LRRC8D: variants seen among roughly 807,000 people sequenced by gnomAD.
LRRC8D encodes volume-regulated anion channel subunit LRRC8D.
In LRRC8D, 20 loss-of-function variants were observed where a neutral mutation model predicts 55.8. The observed-to-expected ratio is 0.36, with a 90% CI of 0.25 to 0.52. LRRC8D has a LOEUF of 0.52. Among genes scored for constraint, LRRC8D ranks in the 20% least tolerant of loss-of-function variants. The pLI is 0.93. For synonymous variants in LRRC8D, 352 were observed against 377.0 expected (o/e 0.93, Z 0.77); for missense variants, 651 against 1,030.8 (o/e 0.63, Z 5.05).
chr1:89,841,351 G>T (rs1307685437), intron 1 of LRRC8D, among the ~76,000 whole-genome samples: 1 of 151,890 alleles, frequency 6.6e-6, no homozygotes, highest in African/African-American at 2.4e-5. Context: ...AAAAGGGTGG[G>T]TGAGGTGTAG....
intron 2 of LRRC8D, among the ~76,000 whole-genome samples, chr1:89,931,244 G>A (rs972807540): frequency 7.1e-6 from 1 of 140,306 alleles, no homozygotes; most frequent in African/African-American, 2.6e-5. Context: ...TACTAGGTAT[G>A]TGGAAGGGTT....
chr1:89,877,779 A>T (rs17497989), intron 2 of LRRC8D, among the ~76,000 whole-genome samples: 10,912 of 152,314 alleles, frequency 0.072, 570 homozygotes, highest in Non-Finnish European at 0.099. Context: ...ACTTTTATAG[A>T]TAACTGAAAC....
intron 1 of LRRC8D, among the ~76,000 whole-genome samples, chr1:89,839,772 G>GA (rs11376446): frequency 0.97 from 147,982 of 152,290 alleles, 72,029 homozygotes; most frequent in Middle Eastern, 1. Context: ...ATAGTGCAGA[G>GA]GGTCATCTCT....
chr1:89,822,011 T>C (rs930557568), intron 1 of LRRC8D: 1 of 152,018 alleles, frequency 6.6e-6, no homozygotes, highest in Non-Finnish European at 1.5e-5. Context: ...AGGAGGAGAA[T>C]TGGGGGTGGT....
intron 2 of LRRC8D, among the ~76,000 whole-genome samples, chr1:89,890,843 G>T (rs945978306): frequency 6.6e-6 from 1 of 152,012 alleles, no homozygotes; most frequent in East Asian, 1.9e-4. Flanking sequence ...ATAGTACTTA[G>T]TCTCCTCCAA....
In LRRC8D at chr1:89,843,816, G is replaced by C. The variant is rs566818081; in HGVS notation, c.-3+34G>C. ...GGTCGGGTCTGGGTCCAGGGAGCGG[G>C]TCGGGAAGTCTGCGGCACGGAGCAC... On this transcript the variant is annotated intron_variant, in intron 2 of 2. Coordinates refer to ENST00000337338, the MANE Select transcript of LRRC8D (RefSeq NM_001134479.2). 6.3e-6 allele frequency: 4 copies of C among 632,432 alleles called. No individual in the cohort carries two copies. The African/African-American group carries it at 7.2e-5, about 11-fold the overall frequency. 39.2% of individuals were successfully genotyped at this position (632,432 alleles called of 1,614,324 possible).
intron 2 of LRRC8D, among the ~76,000 whole-genome samples, chr1:89,906,954 CT>C (rs1166488417): frequency 3.3e-5 from 5 of 152,000 alleles, no homozygotes; most frequent in African/African-American, 1.2e-4. Context: ...AGGAATAGGT[CT>C]GGGTGGAGGC....
At chr1:89,917,812 G>A (rs1663312457) in intron 2 of LRRC8D, among the ~76,000 whole-genome samples, 1 of 152,096 alleles carries the variant, frequency 6.6e-6, no homozygotes, top group Non-Finnish European at 1.5e-5. Context: ...CCTTGGAAGC[G>A]GTCAGTGCGA....
chr1:89,822,808 CA>C (rs574095366), intron 1 of LRRC8D, among the ~76,000 whole-genome samples: 11 of 152,190 alleles, frequency 7.2e-5, no homozygotes, highest in Admixed American at 2.6e-4. Flanking sequence ...TTTTGCAGTC[CA>C]AAAATAGTGA....
intron 2 of LRRC8D, among the ~76,000 whole-genome samples, chr1:89,917,391 T>A (rs61295363): frequency 0.046 from 7,013 of 152,178 alleles, 220 homozygotes; most frequent in East Asian, 0.13. Flanking sequence ...TTCATCAACC[T>A]CCAATCTGCA....
At chr1:89,876,822 C>A (rs180772981) in intron 2 of LRRC8D, among the ~76,000 whole-genome samples, 6 of 152,264 alleles carry the variant, frequency 3.9e-5, no homozygotes, top group Admixed American at 1.3e-4. Flanking sequence ...ATTTAGCATT[C>A]GGTCCTTTAT....
At chr1:89,900,076 A>G (rs1410271423) in intron 2 of LRRC8D, among the ~76,000 whole-genome samples, 1 of 152,232 alleles carries the variant, frequency 6.6e-6, no homozygotes, top group Non-Finnish European at 1.5e-5. Context: ...GTAGAGGGGC[A>G]GAAATGCACA....
chr1:89,883,478 G>A (rs1020161333), intron 2 of LRRC8D, among the ~76,000 whole-genome samples: 4 of 152,196 alleles, frequency 2.6e-5, no homozygotes, highest in Non-Finnish European at 5.9e-5. Flanking sequence ...CGACCAGATG[G>A]TAAGGGAGGA....
In LRRC8D at chr1:89,935,220, C is replaced by T; in HGVS notation, c.2152C>T (p.Leu718Phe). 8 of 1,614,152 alleles carry T rather than the reference C, an allele frequency of 5.0e-6. No homozygotes were observed. The highest frequency in any genetic ancestry group is 6.8e-6 in the Non-Finnish European group (8 of 1,180,008). ...GTCACTTTATTTCTCTAACAACAAG[C>T]TCGAATCCTTACCAGTGGCAGTATT... Reference protein sequence around the residue: ...LESLYFSNNKLESLPVAVFSL... With the variant: ...LESLYFSNNKFESLPVAVFSL... Residue 718 changes from leucine to phenylalanine, a missense_variant, in exon 3 of 3, where the codon CTC becomes TTC. Physicochemically the swap from Leu to Phe is conservative, Grantham distance 22. This residue lies in a region of LRRC8D where 338 missense variants were observed against 479.4 expected (regional missense o/e 0.71). Coordinates refer to ENST00000337338, the MANE Select transcript of LRRC8D (RefSeq NM_001134479.2).
intron 1 of LRRC8D, among the ~76,000 whole-genome samples, chr1:89,824,210 C>T (rs1660711763): frequency 6.6e-6 from 1 of 152,138 alleles, no homozygotes; most frequent in African/African-American, 2.4e-5. Context: ...ATAGTGCCTG[C>T]CCTTAGATCT....
chr1:89,886,671 A>G (rs1172626487), intron 2 of LRRC8D, among the ~76,000 whole-genome samples: 1 of 152,236 alleles, frequency 6.6e-6, no homozygotes, highest in Non-Finnish European at 1.5e-5. Context: ...ACAGCAGCCT[A>G]TTTAATAAAA....
chr1:89,828,433 T>G (rs1438278879), intron 1 of LRRC8D, among the ~76,000 whole-genome samples: 1 of 152,232 alleles, frequency 6.6e-6, no homozygotes, highest in Non-Finnish European at 1.5e-5. Flanking sequence ...AGTGCTAAGT[T>G]TATTCAATTA....
intron 2 of LRRC8D, among the ~76,000 whole-genome samples, chr1:89,845,420 G>T (rs1661250801): frequency 6.6e-6 from 1 of 152,174 alleles, no homozygotes; most frequent in Admixed American, 6.5e-5. Flanking sequence ...GTCATGAAAA[G>T]TGAGAAAGTA....
chr1:89,854,348 GT>G (rs1365486222), intron 2 of LRRC8D, among the ~76,000 whole-genome samples: 1 of 151,466 alleles, frequency 6.6e-6, no homozygotes, highest in Non-Finnish European at 1.5e-5. Context: ...CCCAGTTGTA[GT>G]TTTGTCAGTG....
Sources: allele counts gnomAD v4.1 joint callset (sites outside exome capture counted in the v4.1 genomes callset), GRCh38; gene constraint gnomAD v4.1.1; regional missense constraint gnomAD v4.1.1; transcripts MANE v1.5; gene names NCBI Gene and HGNC (gene_info 2026-07-23, HGNC 2026-07-21).